ZNF519: variants seen among roughly 807,000 people sequenced by gnomAD.
ZNF519 encodes the protein similar to Zinc finger protein 85 (Zinc finger protein HPF4) (HTF1).
ZNF519 carries 7 observed loss-of-function variants against 7.4 expected under a neutral mutation model. That is an observed-to-expected ratio of 0.94 (90% CI 0.54 to 1.77). ZNF519 has a LOEUF of 1.77. ZNF519 is among the 40% of genes most tolerant of loss of function. The probability of loss-of-function intolerance (pLI) is 0.00; values close to 1 mark genes in which losing one functional copy is unlikely to be tolerated. For missense variants in ZNF519, 586 were observed against 623.1 expected, an observed-to-expected ratio of 0.94 and a Z score of 0.63; for synonymous variants, 179 against 203.3, an observed-to-expected ratio of 0.88 and a Z score of 1.02.
At chr18:14,113,344 A>G (rs892131298) in intron 2 of ZNF519, among the ~76,000 whole-genome samples, 3 of 152,172 alleles carry the variant, frequency 2.0e-5, no homozygotes, top group African/African-American at 7.2e-5. Flanking sequence ...CAGAAACTCA[A>G]AAGAATGCAA....
intron 1 of ZNF519, among the ~76,000 whole-genome samples, chr18:14,126,578 T>C (rs2046300524): frequency 6.6e-6 from 1 of 152,226 alleles, no homozygotes; most frequent in Non-Finnish European, 1.5e-5. Context: ...TCATGTGCTC[T>C]AGATTGCAAG....
At chr18:14,091,221 T>C (rs72636764) in intron 2 of ZNF519, among the ~76,000 whole-genome samples, 31,428 of 152,110 alleles carry the variant, frequency 0.21, 4,046 homozygotes, top group East Asian at 0.68. Flanking sequence ...ATTGTTAAAT[T>C]ACACGGAGAT....
At chr18:14,076,015 T>C (rs556654285) in exon 5 of ZNF519, 1 of 152,154 alleles carries the variant, frequency 6.6e-6, no homozygotes, top group Non-Finnish European at 1.5e-5. Context: ...AATTTATTAT[T>C]ATTTTTTTTT....
intron 1 of ZNF519, among the ~76,000 whole-genome samples, chr18:14,130,830 G>GA: frequency 7.0e-6 from 1 of 143,340 alleles, no homozygotes; most frequent in African/African-American, 2.6e-5. Flanking sequence ...TCCATGGAAT[G>GA]AAAACTGGGG....
intron 2 of ZNF519, among the ~76,000 whole-genome samples, chr18:14,094,372 T>A (rs548535880): frequency 1.6e-4 from 24 of 152,344 alleles, no homozygotes; most frequent in African/African-American, 5.8e-4. Flanking sequence ...CCAGATCTTT[T>A]ATAAAACCGG....
chr18:14,108,687 T>G (rs8092494), intron 2 of ZNF519, among the ~76,000 whole-genome samples: 8 of 151,316 alleles, frequency 5.3e-5, no homozygotes, highest in South Asian at 2.1e-4. Flanking sequence ...TAAAAAGATT[T>G]AAAAAATTCC....
rs1282051845 is a variant in ZNF519, at chr18:14,132,124, A to G, written c.3+151T>C. On this transcript the variant is annotated intron_variant, in intron 1 of 2. Coordinates refer to ENST00000590202, the MANE Select transcript of ZNF519 (RefSeq NM_145287.4). ...CTGGGGCCAAAGCCGCCGTGCAGGG[A>G]CAGGACAGGACGCCCGGAGTCCCTG... is the stretch of plus-strand genomic sequence containing the variant. 4 of 871,850 alleles carry G rather than the reference A, an allele frequency of 4.6e-6. No individual in the cohort carries two copies. The East Asian group carries it at 7.2e-5, about 16-fold the overall frequency. 54.0% of individuals were successfully genotyped at this position (871,850 alleles called of 1,614,324 possible). A position where few individuals can be genotyped will look rare whatever the true frequency, so the allele number is the denominator to read the frequency against.
downstream of ZNF519, chr18:14,075,310 C>T (rs748220081): frequency 3.9e-5 from 6 of 152,344 alleles, no homozygotes; most frequent in Admixed American, 6.5e-5. Context: ...TTGCCAGTCA[C>T]GTGCGGTTAC....
chr18:14,107,353 T>C (rs2046198463), intron 2 of ZNF519, among the ~76,000 whole-genome samples: 1 of 152,172 alleles, frequency 6.6e-6, no homozygotes, highest in Non-Finnish European at 1.5e-5. Flanking sequence ...ATCTGCTGCC[T>C]TGAATGAAAA....
chr18:14,110,868 T>C (rs1448740939), intron 2 of ZNF519, among the ~76,000 whole-genome samples: 2 of 152,134 alleles, frequency 1.3e-5, no homozygotes, highest in Non-Finnish European at 2.9e-5. Context: ...AAGAGTAATG[T>C]AATAGACTTT....
At position 14,132,406 on chromosome 18, in the gene ZNF519, C is replaced by G. The variant is rs1269878622; in HGVS notation, c.-129G>C. 26 of 1,153,688 alleles carry G rather than the reference C, an allele frequency of 2.3e-5. No homozygotes were observed. Among genetic ancestry groups the G allele is most frequent in the Non-Finnish European group, 3.2e-5 (25 of 787,266 alleles). The allele number at this position is 1,153,688 out of a possible 1,614,324, so 71.5% of individuals were successfully genotyped here. On this transcript the variant is annotated 5_prime_UTR_variant, in exon 1 of 3. Coordinates refer to ENST00000590202, the MANE Select transcript of ZNF519 (RefSeq NM_145287.4). ...GCAGAGGACACAAGGCAATGAAGCC[C>G]TAACCCCGCGCTCTGGCTGAAGTGA...
At position 14,102,567 on chromosome 18, in the gene ZNF519, T is replaced by C. The variant is rs752280018; in HGVS notation, c.*2350A>G. 3 of 152,162 alleles carry C rather than the reference T, an allele frequency of 2.0e-5. No homozygotes were observed. Among genetic ancestry groups the C allele is most frequent in the Non-Finnish European group, 2.9e-5 (2 of 68,032 alleles). The allele number at this position is 152,162 out of a possible 1,614,324, so 9.4% of individuals were successfully genotyped here. Reference sequence around the variant, plus strand: ...AAATTTCAACATTTACAAGTCACATTTATGAATATATCTCTTATTTAGAGA... The same window carrying C: ...AAATTTCAACATTTACAAGTCACATCTATGAATATATCTCTTATTTAGAGA... On this transcript the variant is annotated 3_prime_UTR_variant, in exon 3 of 3. Transcript: ENST00000590202.
chr18:14,093,109 C>T (rs954287422), intron 2 of ZNF519, among the ~76,000 whole-genome samples: 2 of 152,208 alleles, frequency 1.3e-5, no homozygotes, highest in Non-Finnish European at 2.9e-5. Flanking sequence ...AAGAACGTGA[C>T]AGGCATTCCT....
chr18:14,084,378 G>A (rs1186963009), intron 3 of ZNF519: 1 of 152,254 alleles, frequency 6.6e-6, no homozygotes, highest in African/African-American at 2.4e-5. Context: ...ACATGTGGAA[G>A]AGGTGGTCCT....
At chr18:14,091,258 T>C (rs1484158841) in intron 2 of ZNF519, among the ~76,000 whole-genome samples, 1 of 152,180 alleles carries the variant, frequency 6.6e-6, no homozygotes, top group Non-Finnish European at 1.5e-5. Context: ...TAGTGCACTG[T>C]AGGAAAAGAC....
intron 2 of ZNF519, among the ~76,000 whole-genome samples, chr18:14,117,459 T>C (rs2046251320): frequency 6.6e-6 from 1 of 152,188 alleles, no homozygotes; most frequent in Non-Finnish European, 1.5e-5. Flanking sequence ...TTGAAACCCT[T>C]GTGCACTGCT....
chr18:14,105,985 T>C lies in ZNF519; in HGVS notation c.555A>G (p.Glu185=), dbSNP rs2046188894. ...HFLENYYNCN[E]CEKVFYQSSK... ...AGGATTGGTAAAATACTTTTTCACATTCATTACAATTGTAATAGTTTTCTA... is the reference window on the plus strand; with the variant it reads ...AGGATTGGTAAAATACTTTTTCACACTCATTACAATTGTAATAGTTTTCTA... Residue 185 remains glutamate, a synonymous_variant, in exon 3 of 3, where the codon GAA becomes GAG. Coordinates refer to ENST00000590202, the MANE Select transcript of ZNF519 (RefSeq NM_145287.4). 1 of 1,586,822 alleles carries C rather than the reference T, an allele frequency of 6.3e-7. No homozygotes were observed. The highest frequency in any genetic ancestry group is 2.2e-5 in the East Asian group (1 of 44,640).
chr18:14,106,897 G>A (rs2046196049), intron 2 of ZNF519, among the ~76,000 whole-genome samples: 1 of 152,242 alleles, frequency 6.6e-6, no homozygotes, highest in African/African-American at 2.4e-5. Flanking sequence ...CCCACAGAGG[G>A]AGTATTTCAA....
chr18:14,123,768 G>T (rs780468764), intron 2 of ZNF519, among the ~76,000 whole-genome samples: 31 of 152,024 alleles, frequency 2.0e-4, no homozygotes, highest in Non-Finnish European at 4.4e-5. Context: ...AAAGGTGTGG[G>T]AAACAATATT....
Sources: allele counts gnomAD v4.1 joint callset (sites outside exome capture counted in the v4.1 genomes callset), GRCh38; gene constraint gnomAD v4.1.1; transcripts MANE v1.5; gene names NCBI Gene and HGNC (gene_info 2026-07-23, HGNC 2026-07-21).